GPC5: variants seen among roughly 807,000 people sequenced by gnomAD.
GPC5 encodes the protein glypican 5.
A neutral mutation model predicts 53.9 loss-of-function variants in GPC5; 47 were observed. That is an observed-to-expected ratio of 0.87 (90% CI 0.69 to 1.11). The LOEUF (loss-of-function observed/expected upper bound fraction) is 1.11. Ranked by LOEUF, GPC5 falls within the 50% of genes most tolerant of loss-of-function variation. The pLI is 0.00. For missense variants in GPC5, 748 were observed against 713.1 expected (o/e 1.05, Z -0.56); for synonymous variants, 286 against 263.3 (o/e 1.09, Z -0.84).
intron 6 of GPC5, among the ~76,000 whole-genome samples, chr13:92,021,796 A>C (rs2040760814): frequency 6.6e-6 from 1 of 152,156 alleles, no homozygotes; most frequent in Admixed American, 6.6e-5. Context: ...CCAAAATGAG[A>C]AATGTTCATC....
At chr13:92,757,835 G>A (rs1230033820) in intron 7 of GPC5, among the ~76,000 whole-genome samples, 1 of 152,042 alleles carries the variant, frequency 6.6e-6, no homozygotes, top group Non-Finnish European at 1.5e-5. Flanking sequence ...GGAAACAACA[G>A]GTGCTGGAGA....
At chr13:92,370,739 T>A (rs997537430) in intron 7 of GPC5, among the ~76,000 whole-genome samples, 3 of 152,140 alleles carry the variant, frequency 2.0e-5, no homozygotes, top group Admixed American at 2.0e-4. Flanking sequence ...CCCAAAAGAG[T>A]TTAATTTTTT....
chr13:91,503,190 A>C (rs17320630), intron 2 of GPC5, among the ~76,000 whole-genome samples: 15,426 of 152,214 alleles, frequency 0.1, 962 homozygotes, highest in Middle Eastern at 0.15. Context: ...AAAGTAATAT[A>C]CAAGACAGTG....
intron 2 of GPC5, among the ~76,000 whole-genome samples, chr13:91,499,191 A>C (rs1436684441): frequency 6.6e-6 from 1 of 152,148 alleles, no homozygotes; most frequent in East Asian, 1.9e-4. Flanking sequence ...CTCAGGTAAC[A>C]GGATGCTGTT....
At chr13:91,448,998 C>T (rs1880996916) in intron 2 of GPC5, 76 bp downstream of exon 2, 2 of 1,459,420 alleles carry the variant, frequency 1.4e-6, no homozygotes, top group Non-Finnish European at 1.9e-6. Flanking sequence ...CGTTGGCAAA[C>T]TTGGCTGGGT....
At chr13:91,818,506 G>A (rs72647271) in intron 5 of GPC5, among the ~76,000 whole-genome samples, 5,984 of 152,232 alleles carry the variant, frequency 0.039, 163 homozygotes, top group Non-Finnish European at 0.064. Context: ...ATTTAGCTTT[G>A]TGTAGAGAAA....
chr13:92,719,103 C>G (rs1888425079), intron 7 of GPC5, among the ~76,000 whole-genome samples: 1 of 151,468 alleles, frequency 6.6e-6, no homozygotes, highest in African/African-American at 2.4e-5. Flanking sequence ...TAATAAAAGA[C>G]TAATAAAAAA....
chr13:92,350,931 G>A (rs2043472182), intron 7 of GPC5, among the ~76,000 whole-genome samples: 2 of 151,956 alleles, frequency 1.3e-5, no homozygotes, highest in Admixed American at 6.6e-5. Flanking sequence ...TGGAAACAAG[G>A]CAATGGTGTA....
At chr13:91,508,973 CATACT>C (rs1163916722) in intron 2 of GPC5, among the ~76,000 whole-genome samples, 3 of 152,108 alleles carry the variant, frequency 2.0e-5, no homozygotes, top group Non-Finnish European at 2.9e-5. Flanking sequence ...TTCCCCATCC[CATACT>C]ATAATCCATA....
chr13:92,067,819 A>T (rs1282136962), intron 6 of GPC5, among the ~76,000 whole-genome samples: 1 of 152,002 alleles, frequency 6.6e-6, no homozygotes, highest in Non-Finnish European at 1.5e-5. Flanking sequence ...ACATATATTC[A>T]TAACCACATG....
intron 7 of GPC5, among the ~76,000 whole-genome samples, chr13:92,812,872 C>T (rs1276170112): frequency 6.6e-6 from 1 of 151,862 alleles, no homozygotes; most frequent in Admixed American, 6.6e-5. Flanking sequence ...GTTTTATACA[C>T]TCAAATTTTG....
Position 92,475,177 on chromosome 13 carries a change from C to T in GPC5, c.1561+330188C>T, listed in dbSNP as rs370615368. ...TTCTTTTGGCTTAGGATTGACTTGG[C>T]GATGCGGGCTCTTTTTTGGTTCCAT... On this transcript the variant is annotated intron_variant, in intron 7 of 7. Coordinates refer to ENST00000377067, the MANE Select transcript of GPC5 (RefSeq NM_004466.6). 3.0e-3 allele frequency among the ~76,000 whole-genome samples: 458 copies of T among 151,578 alleles called. 5 individuals carry two copies. Among genetic ancestry groups the T allele is most frequent in the African/African-American group, 0.01 (426 of 41,330 alleles).
intron 7 of GPC5, among the ~76,000 whole-genome samples, chr13:92,278,942 T>A: frequency 6.6e-6 from 1 of 152,086 alleles, no homozygotes. Context: ...TAATAAGTTT[T>A]GAAATTGGGA....
At chr13:92,086,840 G>A (rs1490978277) in intron 6 of GPC5, among the ~76,000 whole-genome samples, 1 of 152,068 alleles carries the variant, frequency 6.6e-6, no homozygotes, top group African/African-American at 2.4e-5. Context: ...TGTATTTTTA[G>A]TAGGGATGGG....
chr13:92,322,131 C>A (rs1156884458), intron 7 of GPC5, among the ~76,000 whole-genome samples: 1 of 151,802 alleles, frequency 6.6e-6, no homozygotes, highest in African/African-American at 2.4e-5. Context: ...TAATATATAA[C>A]CTCTTTTAAT....
chr13:92,063,356 A>AT (rs934779637), intron 6 of GPC5, among the ~76,000 whole-genome samples: 17 of 152,110 alleles, frequency 1.1e-4, no homozygotes, highest in African/African-American at 2.7e-4. Flanking sequence ...ATGGTGAAGT[A>AT]TTTTTTGAAA....
chr13:91,664,824 C>T (rs57075529), intron 2 of GPC5, among the ~76,000 whole-genome samples: 3,896 of 152,314 alleles, frequency 0.026, 174 homozygotes, highest in African/African-American at 0.089. Flanking sequence ...CCATTAACCA[C>T]AAGCTTTGCT....
At chr13:92,353,042 T>C (rs912304337) in intron 7 of GPC5, among the ~76,000 whole-genome samples, 1 of 151,472 alleles carries the variant, frequency 6.6e-6, no homozygotes, top group Non-Finnish European at 1.5e-5. Flanking sequence ...GGGTGGATCA[T>C]GAGGTCAGGA....
intron 7 of GPC5, among the ~76,000 whole-genome samples, chr13:92,153,303 G>A (rs566803795): frequency 6.6e-6 from 1 of 151,864 alleles, no homozygotes; most frequent in South Asian, 2.1e-4. Flanking sequence ...TAATTTTTGG[G>A]TTTTTTGTAC....
Sources: gnomAD v4.1 joint callset for allele counts (sites outside exome capture counted in the v4.1 genomes callset) on GRCh38, gnomAD v4.1.1 for gene constraint, MANE v1.5 for transcripts, NCBI Gene and HGNC (gene_info 2026-07-23, HGNC 2026-07-21) for gene names.